TFB1M: variants seen among roughly 807,000 people sequenced by gnomAD.
TFB1M encodes the protein transcription factor B1, mitochondrial, also known as dimethyladenosine transferase 1, mitochondrial.
A neutral mutation model predicts 31.1 loss-of-function variants in TFB1M; 27 were observed. The ratio of observed to expected loss-of-function variants is 0.87; its 90% confidence interval spans 0.64 to 1.20. TFB1M has a LOEUF of 1.20. Ranked by LOEUF, TFB1M falls within the 50% of genes most tolerant of loss-of-function variation. The pLI is 0.00. For synonymous variants in TFB1M, 166 were observed against 151.8 expected (o/e 1.09, Z -0.69); for missense variants, 394 against 418.7 (o/e 0.94, Z 0.51).
At chr6:155,302,518 A>T (rs192406899) in intron 2 of TFB1M, among the ~76,000 whole-genome samples, 66 of 152,292 alleles carry the variant, frequency 4.3e-4, no homozygotes, top group Non-Finnish European at 2.8e-4. Flanking sequence ...AATGTCAATT[A>T]GCTTGCTTTA....
chr6:155,248,241 G>A, the TFB1M span: 873 of 1,544,942 alleles, frequency 5.7e-4, 5 homozygotes, highest in African/African-American at 0.01. Flanking sequence ...GCTGCCAGCC[G>A]TGCCCTGGGC....
At chr6:155,260,124 T>C in intron 6 of TFB1M, 149 bp downstream of exon 6, 1 of 930,086 alleles carries the variant, frequency 1.1e-6, no homozygotes, top group Non-Finnish European at 1.7e-6. Context: ...TGCTCTCTCC[T>C]CATTGGCAGT....
At chr6:155,268,924 G>A (rs1387674016) in intron 5 of TFB1M, among the ~76,000 whole-genome samples, 2 of 86,968 alleles carry the variant, frequency 2.3e-5, no homozygotes, top group Admixed American at 3.1e-4. Flanking sequence ...CCCTCTGCGA[G>A]AAACACCCAA....
the TFB1M span, chr6:155,244,886 A>G: frequency 7.4e-7 from 1 of 1,355,108 alleles, no homozygotes; most frequent in Non-Finnish European, 9.9e-7. Flanking sequence ...TCCTGTGACT[A>G]TTGACTATTT....
intron 5 of TFB1M, among the ~76,000 whole-genome samples, chr6:155,278,012 A>T (rs932597581): frequency 6.6e-6 from 1 of 152,176 alleles, no homozygotes; most frequent in African/African-American, 2.4e-5. Flanking sequence ...TTTTCTTCCT[A>T]AGTAGAAACA....
intron 1 of TFB1M, chr6:155,314,011 T>C: frequency 1.9e-6 from 2 of 1,052,608 alleles, no homozygotes; most frequent in South Asian, 3.3e-5. Context: ...CACTAGCGCC[T>C]TTCACGACCC....
intron 5 of TFB1M, among the ~76,000 whole-genome samples, chr6:155,269,956 A>T (rs958456368): frequency 2.6e-5 from 4 of 152,246 alleles, no homozygotes; most frequent in African/African-American, 9.6e-5. Context: ...TGAACGAAAC[A>T]GAGAGAAGTG....
At chr6:155,243,168 T>G in the TFB1M span, among the ~76,000 whole-genome samples, 53,266 of 152,122 alleles carry the variant, frequency 0.35, 10,020 homozygotes, top group Middle Eastern at 0.51. Context: ...GTTTAGCCAT[T>G]AGAGCTGCAG....
chr6:155,255,398 T>C (rs1783936245), downstream of TFB1M: 1 of 152,206 alleles, frequency 6.6e-6, no homozygotes, highest in South Asian at 2.1e-4. Context: ...TATTTCTACA[T>C]TAACTATTTT....
intron 2 of TFB1M, among the ~76,000 whole-genome samples, chr6:155,305,603 A>AAT (rs1491068856): frequency 2.9e-3 from 32 of 10,984 alleles, no homozygotes; most frequent in East Asian, 0.018. Context: ...TTATATATAA[A>AAT]TATATATATA....
chr6:155,249,968 A>G, the TFB1M span: 1 of 1,611,114 alleles, frequency 6.2e-7, no homozygotes, highest in Non-Finnish European at 8.5e-7. Context: ...ACAGAGAAGG[A>G]GGTCCGTGAG....
chr6:155,272,479 C>A (rs1784970393), intron 5 of TFB1M, among the ~76,000 whole-genome samples: 2 of 151,742 alleles, frequency 1.3e-5, no homozygotes, highest in African/African-American at 4.8e-5. Flanking sequence ...TTACATGCGA[C>A]CCCTCCCCTC....
Position 155,300,566 on chromosome 6 carries a change from C to T in TFB1M, c.286-1981G>A, listed in dbSNP as rs779964871. ...TTCACAAAGTTAAAACAAATTAGCA[C>T]GCCAAAAACAAAGAGGCAGAACTAA... is the stretch of plus-strand genomic sequence containing the variant. On this transcript the variant is annotated intron_variant, in intron 2 of 6. Coordinates refer to ENST00000367166, the MANE Select transcript of TFB1M (RefSeq NM_016020.4). Among the ~76,000 whole-genome samples, 13 of 152,054 alleles carry T rather than the reference C, an allele frequency of 8.5e-5. No individual in the cohort carries two copies. The East Asian group carries it at 1.4e-3, about 16-fold the overall frequency.
downstream of TFB1M, chr6:155,254,729 AGACG>A: frequency 1.1e-6 from 1 of 952,324 alleles, no homozygotes; most frequent in Admixed American, 2.7e-5. Flanking sequence ...TCTTGCTCCC[AGACG>A]TTCTACTGTA....
At chr6:155,254,768 G>C, downstream of TFB1M, 1 of 613,798 alleles carries the variant, frequency 1.6e-6, no homozygotes, top group Non-Finnish European at 2.7e-6. Flanking sequence ...CCAACCCCCA[G>C]TCCCTTGTCT....
At chr6:155,252,924 T>G (rs1380917249), downstream of TFB1M, 20 of 1,602,562 alleles carry the variant, frequency 1.2e-5, no homozygotes, top group Non-Finnish European at 1.7e-5. Context: ...CTAACACTTT[T>G]CTTGGTGGGC....
In TFB1M at chr6:155,263,619, G is replaced by C. The variant is rs138168826; in HGVS notation, c.667-3219C>G. Among the ~76,000 whole-genome samples the C allele has an allele frequency of 3.4e-3, 512 of 152,234 alleles. 2 individuals are homozygous for C. The highest frequency in any genetic ancestry group is 4.3e-3 in the Non-Finnish European group (293 of 68,022). On this transcript the variant is annotated intron_variant, in intron 5 of 6. Coordinates refer to ENST00000367166, the MANE Select transcript of TFB1M (RefSeq NM_016020.4). The stretch of plus-strand genomic sequence containing the variant: ...AGAGCAGCACTTGGAACTCACAAGG[G>C]ACCCGGGCTAAGGAGATATTAAATC...
chr6:155,234,212 C>T, the TFB1M span, among the ~76,000 whole-genome samples: 17 of 152,196 alleles, frequency 1.1e-4, no homozygotes, highest in East Asian at 3.9e-4. Flanking sequence ...TTCAAGTGCC[C>T]GTGTTTTTTA....
chr6:155,288,271 G>A (rs766885617), intron 4 of TFB1M, among the ~76,000 whole-genome samples: 3 of 152,144 alleles, frequency 2.0e-5, no homozygotes, highest in South Asian at 4.1e-4. Context: ...TGTTTGGAGA[G>A]TTGAAATTAT....
Sources: gnomAD v4.1 joint callset for allele counts (sites outside exome capture counted in the v4.1 genomes callset) on GRCh38, gnomAD v4.1.1 for gene constraint, MANE v1.5 for transcripts, NCBI Gene and HGNC (gene_info 2026-07-23, HGNC 2026-07-21) for gene names.